Variants in SPATS2L observed in about 807,000 individuals in gnomAD.
SPATS2L encodes spermatogenesis associated serine rich 2 like.
A neutral mutation model predicts 59.6 loss-of-function variants in SPATS2L; 30 were observed. The ratio of observed to expected loss-of-function variants is 0.50; its 90% CI spans 0.38 to 0.68. The LOEUF is 0.68. Ranked by LOEUF, SPATS2L falls within the 30% of genes least tolerant of loss-of-function variation. The probability of loss-of-function intolerance (pLI) is 0.00; values close to 1 mark genes in which losing one functional copy is unlikely to be tolerated. For synonymous variants in SPATS2L, 252 were observed against 263.5 expected, an observed-to-expected ratio of 0.96 and a Z score of 0.42; for missense variants, 615 against 700.0, an observed-to-expected ratio of 0.88 and a Z score of 1.37.
chr2:200,458,042 G>T (rs909342892), intron 8 of SPATS2L, among the ~76,000 whole-genome samples: 5 of 151,940 alleles, frequency 3.3e-5, no homozygotes, highest in South Asian at 2.1e-4. Flanking sequence ...ATACAAACAA[G>T]CAAAAAAATC....
chr2:200,376,770 C>T (rs2081614367), intron 2 of SPATS2L, among the ~76,000 whole-genome samples: 1 of 152,202 alleles, frequency 6.6e-6, no homozygotes, highest in African/African-American at 2.4e-5. Context: ...CAGACAGAGC[C>T]CTGAGAGTTC....
chr2:200,393,978 G>C (rs1030720050), intron 3 of SPATS2L, among the ~76,000 whole-genome samples: 3 of 152,184 alleles, frequency 2.0e-5, no homozygotes, highest in Non-Finnish European at 2.9e-5. Flanking sequence ...AGGTGCTTTG[G>C]TGAGGAAATG....
chr2:200,329,340 C>A, intron 1 of SPATS2L, 91 bp from the exon 2 acceptor site: 2 of 1,059,972 alleles, frequency 1.9e-6, no homozygotes, highest in Non-Finnish European at 2.8e-6. Flanking sequence ...GACTCCAGAT[C>A]CTGTGCTTGG....
chr2:200,447,042 A>G (rs1033362376), intron 8 of SPATS2L, among the ~76,000 whole-genome samples: 1 of 152,200 alleles, frequency 6.6e-6, no homozygotes, highest in Non-Finnish European at 1.5e-5. Context: ...AAAATTAAGA[A>G]CCAAAGGTTG....
chr2:200,468,059 A>G (rs574101132), intron 10 of SPATS2L, among the ~76,000 whole-genome samples: 3 of 152,052 alleles, frequency 2.0e-5, no homozygotes, highest in Non-Finnish European at 4.4e-5. Context: ...AAGAAGCAAT[A>G]ATCACTAGAC....
chr2:200,319,715 A>G (rs2079501158), intron 1 of SPATS2L, among the ~76,000 whole-genome samples: 2 of 152,202 alleles, frequency 1.3e-5, no homozygotes, highest in South Asian at 4.1e-4. Context: ...TGGGCCTCAC[A>G]TGTAAATCAG....
chr2:200,359,799 T>C (rs903013780), intron 2 of SPATS2L, among the ~76,000 whole-genome samples: 2 of 152,200 alleles, frequency 1.3e-5, no homozygotes, highest in African/African-American at 2.4e-5. Flanking sequence ...GAAAGTCATC[T>C]TACAGCATGT....
chr2:200,366,843 AC>A (rs2081282606), intron 2 of SPATS2L, among the ~76,000 whole-genome samples: 1 of 152,226 alleles, frequency 6.6e-6, no homozygotes, highest in Admixed American at 6.5e-5. Flanking sequence ...TCAAAATCTT[AC>A]CATATCTCAG....
intron 3 of SPATS2L, among the ~76,000 whole-genome samples, chr2:200,405,822 A>G (rs2082670542): frequency 6.6e-6 from 1 of 152,158 alleles, no homozygotes; most frequent in Admixed American, 6.5e-5. Context: ...ATCATAGGGG[A>G]TAAGGTTAAG....
chr2:200,425,600 A>AT (rs1370470203), intron 6 of SPATS2L, among the ~76,000 whole-genome samples: 1 of 152,228 alleles, frequency 6.6e-6, no homozygotes, highest in African/African-American at 2.4e-5. Context: ...TGAGCAGTAA[A>AT]TGAGATATAT....
chr2:200,444,264 C>T (rs2084888543), intron 8 of SPATS2L, among the ~76,000 whole-genome samples: 1 of 152,128 alleles, frequency 6.6e-6, no homozygotes, highest in South Asian at 2.1e-4. Flanking sequence ...AAATCTGTGT[C>T]TGTGTGTCCA....
rs549281429 is a variant in SPATS2L at position 200,320,417 on chromosome 2, A to G, written c.-72-9014A>G. Among the ~76,000 whole-genome samples the G allele has an allele frequency of 6.6e-5, 10 of 152,370 alleles. No individual in the cohort carries two copies. In the South Asian group the frequency reaches 1.9e-3, roughly 28 times the overall value. Reference sequence around the variant, plus strand: ...CAACTCATGAACTTGTTTGGTTCAAAGGAATTGCTATGTAATACATCATTC... The same window carrying G: ...CAACTCATGAACTTGTTTGGTTCAAGGGAATTGCTATGTAATACATCATTC... On this transcript the variant is annotated intron_variant, in intron 1 of 12. Coordinates refer to ENST00000409140, the MANE Select transcript of SPATS2L (RefSeq NM_001100423.2).
At chr2:200,353,096 A>T (rs1192804674) in intron 2 of SPATS2L, among the ~76,000 whole-genome samples, 1 of 152,200 alleles carries the variant, frequency 6.6e-6, no homozygotes, top group Non-Finnish European at 1.5e-5. Flanking sequence ...TCTGGCCTCT[A>T]TCAAGGACTT....
chr2:200,454,125 TCTAG>T, intron 8 of SPATS2L, among the ~76,000 whole-genome samples: 1 of 152,250 alleles, frequency 6.6e-6, no homozygotes, highest in South Asian at 2.1e-4. Flanking sequence ...TTCCTCTCAC[TCTAG>T]TCTCCCTGAG....
intron 11 of SPATS2L, among the ~76,000 whole-genome samples, chr2:200,471,169 AAATT>A (rs940174612): frequency 1.3e-5 from 2 of 152,168 alleles, no homozygotes; most frequent in South Asian, 2.1e-4. Context: ...CCATCTCAAA[AAATT>A]AATTAATTAA....
intron 2 of SPATS2L, among the ~76,000 whole-genome samples, chr2:200,370,751 G>A (rs965176303): frequency 1.3e-5 from 2 of 152,076 alleles, no homozygotes; most frequent in Non-Finnish European, 2.9e-5. Context: ...TTTCCTCAAG[G>A]TCACACAGTT....
chr2:200,346,810 G>A (rs995487354), intron 2 of SPATS2L, among the ~76,000 whole-genome samples: 2 of 152,106 alleles, frequency 1.3e-5, no homozygotes, highest in African/African-American at 4.8e-5. Context: ...AAGGATTCTT[G>A]CCTGGAGACA....
rs566995810 is a variant in SPATS2L at position 200,344,506 on chromosome 2, A to C, written c.-23+15026A>C. ...TTTAGGTTGATTCCATGTCTTTGCC[A>C]TTGTGAATAATGCCGCAGTGAACAT... On this transcript the variant is annotated intron_variant, in intron 2 of 12. Coordinates refer to ENST00000409140, the MANE Select transcript of SPATS2L (RefSeq NM_001100423.2). Among the ~76,000 whole-genome samples, 18 of 152,288 alleles carry C rather than the reference A, an allele frequency of 1.2e-4. No individual in the cohort carries two copies. In the South Asian group the frequency reaches 3.7e-3, roughly 32 times the overall value.
intron 8 of SPATS2L, among the ~76,000 whole-genome samples, chr2:200,442,864 G>C (rs893285706): frequency 3.3e-5 from 5 of 152,144 alleles, no homozygotes; most frequent in Non-Finnish European, 7.4e-5. Flanking sequence ...TGTAATTCAT[G>C]TTGTGTTTTA....
Sources: gnomAD v4.1 joint callset for allele counts (sites outside exome capture counted in the v4.1 genomes callset) on GRCh38, gnomAD v4.1.1 for gene constraint, MANE v1.5 for transcripts, NCBI Gene and HGNC (gene_info 2026-07-23, HGNC 2026-07-21) for gene names.